Variants in KNTC1 observed in about 807,000 individuals in gnomAD.
KNTC1 encodes the protein kinetochore-associated protein 1.
A neutral mutation model predicts 314.4 loss-of-function variants in KNTC1; 253 were observed. The observed-to-expected ratio is 0.80, with a 90% confidence interval of 0.73 to 0.89. The LOEUF (loss-of-function observed/expected upper bound fraction) is 0.89. Among genes scored for constraint, KNTC1 ranks in the 40% least tolerant of loss-of-function variants. KNTC1 has a pLI of 0.00. For synonymous variants in KNTC1, 901 were observed against 901.4 expected (o/e 1.00, Z 0.01); for missense variants, 2,475 against 2,572.9 (o/e 0.96, Z 0.82).
intron 57 of KNTC1, chr12:122,617,520 G>C (rs990412206): frequency 7.3e-6 from 2 of 275,504 alleles, no homozygotes; most frequent in Non-Finnish European, 1.5e-5. Context: ...CACCGCGCCT[G>C]GCCAGTGTTC....
At chr12:122,549,894 T>C (rs1442400147) in intron 13 of KNTC1, 30 bp downstream of exon 13, 1 of 1,215,470 alleles carries the variant, frequency 8.2e-7, no homozygotes, top group Admixed American at 2.1e-5. Context: ...AAAGTATTCT[T>C]TTAACTACTT....
In KNTC1 at chr12:122,603,164, C is replaced by T. The variant is rs374127774; in HGVS notation, c.5022C>T (p.Ile1674=). The T allele has an allele frequency of 1.2e-6, 2 of 1,613,276 alleles. No homozygotes were observed. Among genetic ancestry groups the T allele is most frequent in the Non-Finnish European group, 1.7e-6 (2 of 1,179,668 alleles). The part of the protein sequence containing the change: ...NKEITKITQT[I]ESCLLSIVNP... ...AAATAACTAAGATCACGCAGACCAT[C>T]GAATCCTGCTTACTCTCTATAGTCA... The change falls in exon 48 of 64, where the codon ATC becomes ATT. Residue 1674 remains isoleucine, a synonymous_variant. Transcript: ENST00000333479.
At chr12:122,577,892 C>G in intron 31 of KNTC1, 101 bp downstream of exon 31, 1 of 1,071,306 alleles carries the variant, frequency 9.3e-7, no homozygotes, top group Non-Finnish European at 1.3e-6. Context: ...ATCTGCTCTT[C>G]TCACTGCTAG....
chr12:122,530,052 A>G lies in KNTC1; in HGVS notation c.-12A>G. Reference sequence around the variant, plus strand: ...ACAGTGGTTCCTGACTCAGGAAGACAGTCTCAGAAACATGTGGAATGATAT... The same window carrying G: ...ACAGTGGTTCCTGACTCAGGAAGACGGTCTCAGAAACATGTGGAATGATAT... On this transcript the variant is annotated 5_prime_UTR_variant, in exon 2 of 64. Coordinates refer to ENST00000333479, the MANE Select transcript of KNTC1 (RefSeq NM_014708.6). 2 of 1,612,404 alleles carry G rather than the reference A, an allele frequency of 1.2e-6. No individual in the cohort carries two copies. The highest frequency in any genetic ancestry group is 1.7e-6 in the Non-Finnish European group (2 of 1,179,114).
chr12:122,530,183 T>C lies in KNTC1; in HGVS notation c.120T>C (p.Ser40=). ...LYQVDLLVKI[S]SEKASLNPKI... ...AAGTAGATTTGCTAGTGAAGATCTC[T>C]TCTGAAAAGGTAGTGATTATTACAC... The change falls in exon 2 of 64, where the codon TCT becomes TCC. Residue 40 remains serine, a synonymous_variant. Transcript: ENST00000333479. 1.2e-6 allele frequency: 2 copies of C among 1,612,422 alleles called. No individual in the cohort carries two copies. Among genetic ancestry groups the C allele is most frequent in the African/African-American group, 1.3e-5 (1 of 74,968 alleles).
chr12:122,557,740 T>A, intron 18 of KNTC1, 51 bp downstream of exon 18: 1 of 1,280,030 alleles, frequency 7.8e-7, no homozygotes, highest in Non-Finnish European at 1.1e-6. Flanking sequence ...GAGAATTTGC[T>A]TTAATCTCTC....
intron 56 of KNTC1, 102 bp from the exon 57 acceptor site, chr12:122,615,368 G>A (rs1347346940): frequency 8.9e-6 from 9 of 1,012,806 alleles, no homozygotes; most frequent in Admixed American, 2.8e-5. Context: ...GGAAGATAAC[G>A]TTTTACCAGT....
intron 5 of KNTC1, 51 bp downstream of exon 5, chr12:122,539,805 G>A: frequency 2.8e-6 from 3 of 1,057,746 alleles, no homozygotes; most frequent in Non-Finnish European, 2.7e-6. Context: ...TTTTTTTAAT[G>A]GAGTCTCCCT....
At chr12:122,543,661 C>G in intron 7 of KNTC1, 27 bp downstream of exon 7, 1 of 1,428,676 alleles carries the variant, frequency 7.0e-7, no homozygotes. Context: ...ATATTGTCCT[C>G]TTAAAAAAAT....
intron 20 of KNTC1, among the ~76,000 whole-genome samples, chr12:122,563,002 C>T (rs937524408): frequency 3.5e-5 from 5 of 143,084 alleles, no homozygotes; most frequent in South Asian, 4.5e-4. Flanking sequence ...GAGCAAGACT[C>T]GGTCTCAAAA....
Position 122,621,978 on chromosome 12 carries a change from G to A in KNTC1, c.6369+8G>A. 6.3e-7 allele frequency: 1 copy of A among 1,577,170 alleles called. No individual in the cohort carries two copies. The highest frequency in any genetic ancestry group is 1.8e-5 in the Admixed American group (1 of 57,116). ...GCAGGATTTTCACATCAAGTAAGAGGCGATTTCATCTCCTTTTTGCTATGA... is the reference window on the plus strand; with the variant it reads ...GCAGGATTTTCACATCAAGTAAGAGACGATTTCATCTCCTTTTTGCTATGA... On this transcript the variant is annotated splice_region_variant and intron_variant, in intron 61 of 63. Coordinates refer to ENST00000333479, the MANE Select transcript of KNTC1 (RefSeq NM_014708.6).
chr12:122,601,176 G>A (rs1216845201), intron 44 of KNTC1, among the ~76,000 whole-genome samples: 2 of 151,756 alleles, frequency 1.3e-5, no homozygotes, highest in Non-Finnish European at 2.9e-5. Context: ...TCCGCCTCCC[G>A]GGTTCACACC....
At chr12:122,606,609 G>A (rs1012970782) in intron 51 of KNTC1, among the ~76,000 whole-genome samples, 1 of 151,760 alleles carries the variant, frequency 6.6e-6, no homozygotes, top group African/African-American at 2.4e-5. Context: ...GAAAGAAATG[G>A]CCTGTTCTTT....
chr12:122,542,605 A>C (rs1962428076), intron 6 of KNTC1, among the ~76,000 whole-genome samples: 1 of 152,148 alleles, frequency 6.6e-6, no homozygotes, highest in Non-Finnish European at 1.5e-5. Context: ...GTCTCTACTA[A>C]AAATACAAAA....
chr12:122,586,493 G>A (rs946742029), intron 37 of KNTC1, among the ~76,000 whole-genome samples: 4 of 152,138 alleles, frequency 2.6e-5, no homozygotes, highest in Non-Finnish European at 4.4e-5. Flanking sequence ...GCATCAGTTC[G>A]CTTTAGAACT....
At position 122,527,337 on chromosome 12, in the gene KNTC1, T is replaced by A. The variant is rs1960758054; in HGVS notation, c.-88T>A. The A allele has an allele frequency of 5.8e-6, 1 of 173,306 alleles. No homozygotes were observed. Among genetic ancestry groups the A allele is most frequent in the South Asian group, 1.1e-4 (1 of 9,450 alleles). 10.7% of individuals were successfully genotyped at this position (173,306 alleles called of 1,614,324 possible). A position where few individuals can be genotyped will look rare whatever the true frequency, so the allele number is the denominator to read the frequency against. On this transcript the variant is annotated 5_prime_UTR_variant, in exon 1 of 64. Coordinates refer to ENST00000333479, the MANE Select transcript of KNTC1 (RefSeq NM_014708.6). Reference sequence around the variant, plus strand: ...CAGATATCTGAGTGTTCCTCTTTAGTTTCTTCAATTGCAGGTGAGGACGGG... The same window carrying A: ...CAGATATCTGAGTGTTCCTCTTTAGATTCTTCAATTGCAGGTGAGGACGGG...
intron 16 of KNTC1, among the ~76,000 whole-genome samples, chr12:122,554,072 A>ATATATATAT (rs1214945831): frequency 1.5e-3 from 97 of 63,972 alleles, no homozygotes; most frequent in African/African-American, 6.0e-3. Flanking sequence ...CTTAAAAAAA[A>ATATATATAT]AAAAATATAT....
intron 31 of KNTC1, among the ~76,000 whole-genome samples, chr12:122,578,982 G>A (rs1965210467): frequency 6.8e-6 from 1 of 146,344 alleles, no homozygotes; most frequent in Non-Finnish European, 1.5e-5. Context: ...GTTAGAAAGG[G>A]GCAGAACCTC....
At position 122,590,661 on chromosome 12, in the gene KNTC1, T is replaced by G; in HGVS notation, c.4054T>G (p.Leu1352Val). 1.9e-6 allele frequency: 3 copies of G among 1,613,714 alleles called. No homozygotes were observed. Among genetic ancestry groups the G allele is most frequent in the Non-Finnish European group, 1.7e-6 (2 of 1,179,722 alleles). The change falls in exon 41 of 64, where the codon TTA becomes GTA. Residue 1352 changes from leucine (L) to valine (V), a missense_variant. Leu to Val is a conservative substitution (Grantham distance 32). Coordinates refer to ENST00000333479, the MANE Select transcript of KNTC1 (RefSeq NM_014708.6). ...LDLALGYCTLLPQKDVFENLW... is the reference protein window; with the variant it reads ...LDLALGYCTLVPQKDVFENLW... ...CCTGGCGTTGGGTTACTGCACTCTC[T>G]TACCTCAAAAAGATGTGTTTGAAAA...
Sources: gnomAD v4.1 joint callset for allele counts (sites outside exome capture counted in the v4.1 genomes callset) on GRCh38, gnomAD v4.1.1 for gene constraint, MANE v1.5 for transcripts, NCBI Gene and HGNC (gene_info 2026-07-23, HGNC 2026-07-21) for gene names.